MROH1: variants seen among roughly 807,000 people sequenced by gnomAD.
MROH1 encodes the protein maestro heat like repeat family member 1.
MROH1 carries 117 observed loss-of-function variants against 116.5 expected under a neutral mutation model. That is an observed-to-expected ratio of 1.00 (90% CI 0.86 to 1.17). The LOEUF is 1.17. MROH1 is among the 50% of genes most tolerant of loss of function. The pLI, the probability that MROH1 is intolerant of heterozygous loss-of-function variation, is 0.00. For missense variants in MROH1, 1,873 were observed against 1,338.5 expected (o/e 1.40, Z -6.23); for synonymous variants, 921 against 583.9 (o/e 1.58, Z -8.32).
intron 39 of MROH1, 89 bp downstream of exon 39, chr8:144,260,463 C>T: frequency 1.4e-6 from 1 of 696,948 alleles, no homozygotes; most frequent in Non-Finnish European, 2.6e-6. Context: ...ACCCTCCTCC[C>T]TGTCTCCCAC....
intron 12 of MROH1, among the ~76,000 whole-genome samples, chr8:144,219,174 C>T (rs1836178553): frequency 6.6e-6 from 1 of 151,836 alleles, no homozygotes; most frequent in African/African-American, 2.4e-5. Context: ...AGGCATCCAC[C>T]ACCATGCCCG....
intron 24 of MROH1, 59 bp from the exon 25 acceptor site, chr8:144,243,435 C>A (rs1030360608): frequency 1.3e-6 from 1 of 771,268 alleles, no homozygotes; most frequent in Non-Finnish European, 2.4e-6. Context: ...AGGGGGTATG[C>A]GCGGGTTCAG....
At chr8:144,202,664 G>C (rs12543192) in intron 12 of MROH1, among the ~76,000 whole-genome samples, 1 of 103,396 alleles carries the variant, frequency 9.7e-6, no homozygotes, top group Non-Finnish European at 2.0e-5. Flanking sequence ...GAGGCGGGGA[G>C]GGGGAGCACC....
intron 3 of MROH1, among the ~76,000 whole-genome samples, chr8:144,164,120 G>T (rs1307663634): frequency 1.3e-5 from 2 of 149,250 alleles, no homozygotes; most frequent in Non-Finnish European, 3.0e-5. Context: ...TTAAGACAGG[G>T]TCGGCTGGGC....
chr8:144,159,106 C>CCTTTGGGATTA (rs1287684187), intron 1 of MROH1, among the ~76,000 whole-genome samples: 4 of 152,142 alleles, frequency 2.6e-5, no homozygotes, highest in African/African-American at 9.7e-5. Context: ...GCCTGTAATC[C>CCTTTGGGATTA]CAGCACTTTG....
chr8:144,247,231 G>T, intron 29 of MROH1, 70 bp from the exon 30 acceptor site: 1 of 731,152 alleles, frequency 1.4e-6, no homozygotes. Context: ...GCCCTCCTCT[G>T]GGTACAGGTG....
rs1406988529 is a variant in MROH1, at chr8:144,244,515, C to A, written c.2742C>A (p.Pro914=). The part of the protein sequence containing the change: ...LTSLLQRNMT[P]QGLQIMIEHL... ...GCCTCCTGCAGCGGAACATGACCCC[C>A]CAAGGCCTGCAGATCATGATTGAGG... Residue 914 remains proline (P), a synonymous_variant, in exon 28 of 44, where the codon CCC becomes CCA. Coordinates refer to ENST00000326134, the MANE Select transcript of MROH1 (RefSeq NM_032450.3). The A allele has an allele frequency of 2.6e-6, 2 of 770,850 alleles. No individual in the cohort carries two copies. Among genetic ancestry groups the A allele is most frequent in the African/African-American group, 3.4e-5 (2 of 58,866 alleles). 47.8% of individuals were successfully genotyped at this position (770,850 alleles called of 1,614,324 possible). A position where few individuals can be genotyped will look rare whatever the true frequency, so the allele number is the denominator to read the frequency against.
In MROH1 at chr8:144,220,600, C is replaced by T; in HGVS notation, c.1142C>T (p.Ala381Val). 1 of 1,570,224 alleles carries T rather than the reference C, an allele frequency of 6.4e-7. No individual in the cohort carries two copies. Among genetic ancestry groups the T allele is most frequent in the Non-Finnish European group, 8.6e-7 (1 of 1,157,508 alleles). Reference sequence around the variant, plus strand: ...GAGCTGTCCTGTTTGTTTCTTGCAGCTGCTCAGATGGAAGATAAAAAGCCC... The same window carrying T: ...GAGCTGTCCTGTTTGTTTCTTGCAGTTGCTCAGATGGAAGATAAAAAGCCC... The part of the protein sequence containing the change: ...QVVRHVINSA[A>V]AQMEDKKPFI... Residue 381 changes from alanine to valine, a missense_variant and splice_region_variant, in exon 13 of 44, where the codon GCT becomes GTT. Coordinates refer to ENST00000326134, the MANE Select transcript of MROH1 (RefSeq NM_032450.3).
intron 7 of MROH1, among the ~76,000 whole-genome samples, chr8:144,186,418 G>A (rs1281924575): frequency 2.0e-5 from 3 of 152,024 alleles, no homozygotes; most frequent in Non-Finnish European, 2.9e-5. Context: ...CACTGCGCCC[G>A]GCCCCAAATT....
chr8:144,204,050 C>A (rs905525032), intron 12 of MROH1, among the ~76,000 whole-genome samples: 1 of 152,202 alleles, frequency 6.6e-6, no homozygotes, highest in Admixed American at 6.5e-5. Context: ...TCAAAACATG[C>A]TTTTTTCACT....
Position 144,255,647 on chromosome 8 carries a change from G to C in MROH1, c.3733G>C (p.Ala1245Pro), listed in dbSNP as rs1554832555. The C allele has an allele frequency of 5.2e-6, 4 of 770,556 alleles. No individual in the cohort carries two copies. In the South Asian group the frequency reaches 5.5e-5, roughly 11 times the overall value. The allele number at this position is 770,556 out of a possible 1,614,324, so 47.7% of individuals were successfully genotyped here. Reference sequence around the variant, plus strand: ...TGTCCAGCTGCCCCGGAACCTGCAGGCCCAGGAAAGGAGGGGTGCCAGTCC... The same window carrying C: ...TGTCCAGCTGCCCCGGAACCTGCAGCCCCAGGAAAGGAGGGGTGCCAGTCC... ...VGVQLPRNLQAQERRGASPAL... is the reference protein window; with the variant it reads ...VGVQLPRNLQPQERRGASPAL... The change falls in exon 35 of 44, where the codon GCC becomes CCC. Residue 1245 changes from alanine to proline, a missense_variant. By Grantham distance (27) the Ala-to-Pro change is conservative. Transcript: ENST00000326134.
chr8:144,162,144 G>T (rs909982224), intron 2 of MROH1, among the ~76,000 whole-genome samples: 3 of 148,820 alleles, frequency 2.0e-5, no homozygotes, highest in African/African-American at 7.5e-5. Flanking sequence ...GAGTGCAGTG[G>T]CACGATCTCA....
chr8:144,244,716 G>A (rs1372222264), intron 28 of MROH1, among the ~76,000 whole-genome samples, 177 bp downstream of exon 28: 1 of 152,182 alleles, frequency 6.6e-6, no homozygotes, highest in Non-Finnish European at 1.5e-5. Flanking sequence ...GCAAGCAGTT[G>A]GGGAGGCCCT....
intron 22 of MROH1, among the ~76,000 whole-genome samples, 154 bp downstream of exon 22, chr8:144,241,671 G>A (rs1004293458): frequency 4.1e-4 from 63 of 152,360 alleles, no homozygotes; most frequent in African/African-American, 1.5e-3. Context: ...GGACCTGTGC[G>A]TGGGTGCTCC....
chr8:144,198,836 G>C (rs1283863092), intron 10 of MROH1, among the ~76,000 whole-genome samples: 1 of 152,142 alleles, frequency 6.6e-6, no homozygotes, highest in African/African-American at 2.4e-5. Flanking sequence ...TGTCCCTGGA[G>C]ACTTGACAGT....
At chr8:144,249,897 T>C (rs1341667671) in intron 32 of MROH1, among the ~76,000 whole-genome samples, 1 of 152,180 alleles carries the variant, frequency 6.6e-6, no homozygotes, top group African/African-American at 2.4e-5. Context: ...TGTGAGGGCA[T>C]GGGGCCGCTG....
chr8:144,261,045 A>AGGGGTGGGGCCAGGCGGGGCGTGGTGGGT lies in MROH1; in HGVS notation c.4671+9_4672-36dup. On this transcript the variant is annotated splice_donor_region_variant and intron_variant, in intron 41 of 43. Coordinates refer to ENST00000326134, the MANE Select transcript of MROH1 (RefSeq NM_032450.3). ...CAACACCACCTGCAAGCACCTGGTGAGGGGTGGGGCCAGGCGGGGCGTGGT... is the reference window on the plus strand; with the variant it reads ...CAACACCACCTGCAAGCACCTGGTGAGGGGTGGGGCCAGGCGGGGCGTGGTGGGTGGGGTGGGGCCAGGCGGGGCGTGGT... 1 of 160,392 alleles carries AGGGGTGGGGCCAGGCGGGGCGTGGTGGGT rather than the reference A, an allele frequency of 6.2e-6. No individual in the cohort carries two copies. Among genetic ancestry groups the AGGGGTGGGGCCAGGCGGGGCGTGGTGGGT allele is most frequent in the Non-Finnish European group, 1.3e-5 (1 of 76,122 alleles). 9.9% of individuals were successfully genotyped at this position (160,392 alleles called of 1,614,324 possible). A position where few individuals can be genotyped will look rare whatever the true frequency, so the allele number is the denominator to read the frequency against.
intron 33 of MROH1, among the ~76,000 whole-genome samples, chr8:144,253,204 T>C (rs1843136779): frequency 6.6e-6 from 1 of 151,086 alleles, no homozygotes; most frequent in Non-Finnish European, 1.5e-5. Flanking sequence ...TGCCACCCCG[T>C]GAGCTAAGGA....
chr8:144,191,790 C>G lies in MROH1; in HGVS notation c.790C>G (p.Pro264Ala), dbSNP rs1828669787. 6.2e-7 allele frequency: 1 copy of G among 1,613,258 alleles called. No individual in the cohort carries two copies. The change falls in exon 9 of 44, where the codon CCC becomes GCC. Residue 264 changes from proline (P) to alanine (A), a missense_variant. By Grantham distance (27) the Pro-to-Ala change is conservative (BLOSUM62 -1). Transcript: ENST00000326134. ...LPSERLEEQL[P>A]KLLPGILALY... ...CAGTGAGAGGCTGGAAGAGCAGCTG[C>G]CCAAGCTCCTCCCTGGGATTCTCGC...
Sources: allele counts gnomAD v4.1 joint callset (sites outside exome capture counted in the v4.1 genomes callset), GRCh38; gene constraint gnomAD v4.1.1; transcripts MANE v1.5; gene names NCBI Gene and HGNC (gene_info 2026-07-23, HGNC 2026-07-21).